KLF13: variants seen among roughly 807,000 people sequenced by gnomAD.
The protein encoded by KLF13 is KLF transcription factor 13, also known as Krueppel-like factor 13.
In KLF13, 8 loss-of-function variants were observed where a neutral mutation model predicts 16.7. The observed-to-expected ratio is 0.48, with a 90% CI of 0.28 to 0.87. The LOEUF is 0.87. Ranked by LOEUF, KLF13 falls within the 40% of genes least tolerant of loss-of-function variation. The pLI, the probability that KLF13 is intolerant of heterozygous loss-of-function variation, is 0.10. For synonymous variants in KLF13, 245 were observed against 208.4 expected (o/e 1.18, Z -1.51); for missense variants, 447 against 452.2 (o/e 0.99, Z 0.10).
At chr15:31,363,696 G>A (rs964819149) in intron 1 of KLF13, among the ~76,000 whole-genome samples, 1 of 152,114 alleles carries the variant, frequency 6.6e-6, no homozygotes, top group African/African-American at 2.4e-5. Context: ...ATGTTGGCCA[G>A]GTTGGTCTTG....
chr15:31,329,276 G>A (rs1050624097), intron 1 of KLF13, among the ~76,000 whole-genome samples: 3 of 151,362 alleles, frequency 2.0e-5, no homozygotes, highest in Non-Finnish European at 4.4e-5. Context: ...TGTGGCCCTG[G>A]GGGAGGGGCC....
chr15:31,428,577 C>T (rs8027155), intron 1 of KLF13, among the ~76,000 whole-genome samples: 35,294 of 151,618 alleles, frequency 0.23, 4,682 homozygotes, highest in East Asian at 0.44. Flanking sequence ...GAGTCCGAGG[C>T]GGGCAGATCA....
At chr15:31,412,963 A>T (rs968834073) in intron 1 of KLF13, among the ~76,000 whole-genome samples, 24 of 152,212 alleles carry the variant, frequency 1.6e-4, no homozygotes, top group Admixed American at 1.4e-3. Flanking sequence ...CTGGGGAAAA[A>T]TATGAAGCTT....
chr15:31,333,089 C>T (rs2038861122), intron 1 of KLF13, among the ~76,000 whole-genome samples: 1 of 152,172 alleles, frequency 6.6e-6, no homozygotes, highest in Non-Finnish European at 1.5e-5. Flanking sequence ...CTTTCACAAT[C>T]CTAAGACTTC....
intron 2 of KLF13, among the ~76,000 whole-genome samples, chr15:31,399,863 CG>C (rs2040010001): frequency 6.6e-6 from 1 of 152,242 alleles, no homozygotes; most frequent in African/African-American, 2.4e-5. Flanking sequence ...CTCTGGGCTC[CG>C]GGGCTTCTGC....
chr15:31,405,536 A>T (rs1041480883), downstream of KLF13, among the ~76,000 whole-genome samples: 6 of 152,342 alleles, frequency 3.9e-5, no homozygotes, highest in South Asian at 1.2e-3. Context: ...TTCTATTGTA[A>T]CAACCTGAAC....
intron 2 of KLF13, among the ~76,000 whole-genome samples, chr15:31,400,988 C>T (rs903247274): frequency 6.6e-6 from 1 of 151,570 alleles, no homozygotes; most frequent in Non-Finnish European, 1.5e-5. Flanking sequence ...CAATGTGTCC[C>T]GTCGATAGAT....
At chr15:31,419,601 ATT>A in intron 1 of KLF13, among the ~76,000 whole-genome samples, 1 of 152,226 alleles carries the variant, frequency 6.6e-6, no homozygotes, top group Admixed American at 6.5e-5. Flanking sequence ...AAGACAGATA[ATT>A]TGAAATGATC....
downstream of KLF13, among the ~76,000 whole-genome samples, chr15:31,404,897 C>G (rs577307733): frequency 8.1e-4 from 123 of 152,296 alleles, no homozygotes; most frequent in African/African-American, 2.9e-3. Flanking sequence ...AGCCTAGGGT[C>G]TTCACTCAGG....
At chr15:31,356,028 C>T (rs1274302595) in intron 1 of KLF13, among the ~76,000 whole-genome samples, 3 of 152,192 alleles carry the variant, frequency 2.0e-5, no homozygotes, top group African/African-American at 7.2e-5. Context: ...GCCATTTTTC[C>T]TTTCCTTCTG....
chr15:31,391,828 G>A (rs1191290188), upstream of KLF13, among the ~76,000 whole-genome samples: 1 of 152,168 alleles, frequency 6.6e-6, no homozygotes, highest in Non-Finnish European at 1.5e-5. Context: ...CCCGGCGGGA[G>A]GCGCTTCCCG....
chr15:31,401,703 A>C (rs914642559), intron 2 of KLF13, among the ~76,000 whole-genome samples: 7 of 152,240 alleles, frequency 4.6e-5, no homozygotes, highest in African/African-American at 1.7e-4. Flanking sequence ...ACTGAGGTTC[A>C]GAGATGCGGT....
rs376701697 is a variant in KLF13 at position 31,331,688 on chromosome 15, G to A, written c.577+3899G>A. On this transcript the variant is annotated intron_variant, in intron 1 of 1. Coordinates refer to ENST00000307145, the MANE Select transcript of KLF13 (RefSeq NM_015995.4). The stretch of plus-strand genomic sequence containing the variant: ...GCCCACCCCTCCCTCTCGTACCCTC[G>A]CTGTCCCAGGCTGCCAGTGGCCCTA... Among the ~76,000 whole-genome samples, 22 of 152,224 alleles carry A rather than the reference G, an allele frequency of 1.4e-4. No homozygotes were observed. The South Asian group carries it at 4.6e-3, about 32-fold the overall frequency.
rs926991005 is a variant in KLF13 at position 31,376,210 on chromosome 15, G to C, written c.*3911G>C. 5 of 152,734 alleles carry C rather than the reference G, an allele frequency of 3.3e-5. No individual in the cohort carries two copies. Among genetic ancestry groups the C allele is most frequent in the Admixed American group, 3.3e-4 (5 of 15,286 alleles). 9.5% of individuals were successfully genotyped at this position (152,734 alleles called of 1,614,324 possible). A position where few individuals can be genotyped will look rare whatever the true frequency, so the allele number is the denominator to read the frequency against. On this transcript the variant is annotated 3_prime_UTR_variant, in exon 2 of 2. Transcript: ENST00000307145. The stretch of plus-strand genomic sequence containing the variant: ...CCCTCGGGACCCATTCAGGATCTCA[G>C]CTGGGCAGGGGTGCCACCCAACAGG...
chr15:31,369,508 T>A (rs757987631), intron 1 of KLF13, among the ~76,000 whole-genome samples: 4 of 152,234 alleles, frequency 2.6e-5, no homozygotes, highest in African/African-American at 4.8e-5. Flanking sequence ...TTTTTGTATG[T>A]CTTTTATTTT....
At chr15:31,386,507 A>G (rs2039798473) in intron 1 of KLF13, among the ~76,000 whole-genome samples, 1 of 152,236 alleles carries the variant, frequency 6.6e-6, no homozygotes, top group Admixed American at 6.5e-5. Flanking sequence ...CTTAAAAAAA[A>G]AGAAAAGAAA....
intron 1 of KLF13, chr15:31,339,787 G>A: frequency 1.6e-6 from 1 of 607,786 alleles, no homozygotes. Flanking sequence ...AGGTAGCCTG[G>A]GCTGGCTGCG....
At chr15:31,391,100 G>T (rs1477558655), upstream of KLF13, among the ~76,000 whole-genome samples, 6 of 106,930 alleles carry the variant, frequency 5.6e-5, 1 homozygote, top group South Asian at 2.2e-3. Context: ...TGGATAATGT[G>T]GGGGAGTGTG....
downstream of KLF13, among the ~76,000 whole-genome samples, chr15:31,382,460 T>C (rs929691729): frequency 1.3e-5 from 2 of 152,220 alleles, no homozygotes; most frequent in African/African-American, 4.8e-5. Flanking sequence ...TTTTAAGCTC[T>C]GAGTTCTAAA....
Sources: allele counts gnomAD v4.1 joint callset (sites outside exome capture counted in the v4.1 genomes callset), GRCh38; gene constraint gnomAD v4.1.1; transcripts MANE v1.5; gene names NCBI Gene and HGNC (gene_info 2026-07-23, HGNC 2026-07-21).